Variants in RIMKLB observed in about 807,000 individuals in gnomAD.
RIMKLB encodes the protein ribosomal modification protein rimK like family member B, also known as beta-citrylglutamate synthase B.
In RIMKLB, 7 loss-of-function variants were observed where a neutral mutation model predicts 32.0. The ratio of observed to expected loss-of-function variants is 0.22; its 90% CI spans 0.12 to 0.41. The LOEUF (loss-of-function observed/expected upper bound fraction) is 0.41. RIMKLB is among the 10% of genes least tolerant of loss of function. The probability of loss-of-function intolerance (pLI) is 1.00; values close to 1 mark genes in which losing one functional copy is unlikely to be tolerated. For missense variants in RIMKLB, 289 were observed against 498.7 expected (o/e 0.58, Z 4.00); for synonymous variants, 172 against 185.1 (o/e 0.93, Z 0.57).
At chr12:8,762,373 G>A (rs1446398325) in intron 5 of RIMKLB, among the ~76,000 whole-genome samples, 2 of 152,036 alleles carry the variant, frequency 1.3e-5, no homozygotes, top group Non-Finnish European at 1.5e-5. Context: ...TGGTTTCCCG[G>A]AGGGGATTAC....
intron 2 of RIMKLB, among the ~76,000 whole-genome samples, chr12:8,730,001 A>G (rs1223423722): frequency 1.3e-5 from 2 of 152,198 alleles, no homozygotes; most frequent in African/African-American, 4.8e-5. Flanking sequence ...TGTGTATTCA[A>G]GTCCTTGGGA....
At chr12:8,780,392 G>A (rs1950962403), downstream of RIMKLB, 1 of 152,166 alleles carries the variant, frequency 6.6e-6, no homozygotes, top group Non-Finnish European at 1.5e-5. Context: ...CATGAACATG[G>A]ATCATACAGT....
intron 1 of RIMKLB, among the ~76,000 whole-genome samples, chr12:8,686,760 G>T (rs773244183): frequency 7.2e-5 from 11 of 152,284 alleles, no homozygotes; most frequent in African/African-American, 1.9e-4. Context: ...GGGATTACAG[G>T]TGTGAGCCAC....
chr12:8,679,987 G>C (rs150281064), upstream of RIMKLB, among the ~76,000 whole-genome samples: 14 of 152,262 alleles, frequency 9.2e-5, no homozygotes, highest in East Asian at 2.7e-3. Context: ...GATAAAACAG[G>C]TTGCAGTAAA....
At chr12:8,749,506 C>A (rs1948444037) in intron 2 of RIMKLB, among the ~76,000 whole-genome samples, 1 of 152,200 alleles carries the variant, frequency 6.6e-6, no homozygotes, top group Non-Finnish European at 1.5e-5. Context: ...CTGCACCCGG[C>A]CCACTTAGGT....
intron 5 of RIMKLB, among the ~76,000 whole-genome samples, chr12:8,766,124 A>G (rs1164544437): frequency 6.6e-6 from 1 of 152,058 alleles, no homozygotes; most frequent in East Asian, 1.9e-4. Context: ...TGAAAAAAAG[A>G]ACATAGGGAT....
downstream of RIMKLB, chr12:8,777,215 C>CTTTT (rs35828763): frequency 8.5e-3 from 5,981 of 700,064 alleles, 10 homozygotes; most frequent in Admixed American, 0.014. Context: ...TGCTTGCTTT[C>CTTTT]TTTTTTTTTT....
At chr12:8,709,682 C>G (rs1240816327) in intron 1 of RIMKLB, among the ~76,000 whole-genome samples, 1 of 151,178 alleles carries the variant, frequency 6.6e-6, no homozygotes, top group Non-Finnish European at 1.5e-5. Flanking sequence ...TTCACTTTCC[C>G]TGGTTTCACT....
chr12:8,689,246 G>A lies in RIMKLB; in HGVS notation n.219+7428G>A, dbSNP rs755357475. 2.6e-5 allele frequency among the ~76,000 whole-genome samples: 4 copies of A among 152,262 alleles called. No homozygotes were observed. In the East Asian group the frequency reaches 7.7e-4, roughly 29 times the overall value. On this transcript the variant is annotated intron_variant and non_coding_transcript_variant, in intron 1 of 1. Transcript: ENST00000538758. ...AATTTAACAGGGGCTACTTATACCTGGAATAAGATATTTAACTTAGTCATG... is the reference window on the plus strand; with the variant it reads ...AATTTAACAGGGGCTACTTATACCTAGAATAAGATATTTAACTTAGTCATG...
chr12:8,741,104 G>A (rs1488555284), intron 2 of RIMKLB, among the ~76,000 whole-genome samples: 1 of 152,180 alleles, frequency 6.6e-6, no homozygotes, highest in Admixed American at 6.5e-5. Context: ...TACTTGGGAG[G>A]CTGGAGCAGA....
intron 5 of RIMKLB, among the ~76,000 whole-genome samples, chr12:8,760,668 TA>T (rs199874138): frequency 0.22 from 32,712 of 151,936 alleles, 3,943 homozygotes; most frequent in Non-Finnish European, 0.27. Context: ...TTATTGTGGT[TA>T]TTGATTTGCA....
chr12:8,775,959 C>T lies in RIMKLB; in HGVS notation c.*2175C>T. ...GTACTTCTTTCGCTGAATGACCATA[C>T]TGTGGAGGATGCATACTATTTGGTA... On this transcript the variant is annotated 3_prime_UTR_variant, in exon 6 of 6. Transcript: ENST00000535829. 4 of 983,294 alleles carry T rather than the reference C, an allele frequency of 4.1e-6. No individual in the cohort carries two copies. Among genetic ancestry groups the T allele is most frequent in the Non-Finnish European group, 3.6e-6 (3 of 827,980 alleles). The allele number at this position is 983,294 out of a possible 1,614,324, so 60.9% of individuals were successfully genotyped here. A position where few individuals can be genotyped will look rare whatever the true frequency, so the allele number is the denominator to read the frequency against.
chr12:8,760,739 A>G (rs999593280), intron 5 of RIMKLB, among the ~76,000 whole-genome samples: 1 of 152,038 alleles, frequency 6.6e-6, no homozygotes, highest in African/African-American at 2.4e-5. Context: ...TGCATAAATG[A>G]CTTCTTTTGA....
chr12:8,741,815 G>A (rs893136981), intron 2 of RIMKLB, among the ~76,000 whole-genome samples: 3 of 151,794 alleles, frequency 2.0e-5, no homozygotes, highest in African/African-American at 7.3e-5. Flanking sequence ...TGGGTGACAG[G>A]ATCAGTTATA....
At chr12:8,705,463 T>C (rs751025055) in intron 1 of RIMKLB, among the ~76,000 whole-genome samples, 1 of 140,788 alleles carries the variant, frequency 7.1e-6, no homozygotes, top group African/African-American at 2.7e-5. Flanking sequence ...GGTGACAGAT[T>C]GAGACTCCAT....
intron 2 of RIMKLB, among the ~76,000 whole-genome samples, chr12:8,734,213 A>G (rs1946801633): frequency 6.6e-6 from 1 of 152,132 alleles, no homozygotes; most frequent in African/African-American, 2.4e-5. Flanking sequence ...GATATGGGAG[A>G]AGGAAGGAGA....
intron 2 of RIMKLB, among the ~76,000 whole-genome samples, chr12:8,721,800 G>T (rs1945465962): frequency 6.6e-6 from 1 of 152,088 alleles, no homozygotes; most frequent in South Asian, 2.1e-4. Flanking sequence ...CTGGAGTGCA[G>T]TGGCACGATC....
At chr12:8,683,104 T>A (rs1423866369) in intron 1 of RIMKLB, among the ~76,000 whole-genome samples, 1 of 152,214 alleles carries the variant, frequency 6.6e-6, no homozygotes, top group Non-Finnish European at 1.5e-5. Flanking sequence ...TTTCTTTTTA[T>A]TGCTGATTAA....
intron 5 of RIMKLB, among the ~76,000 whole-genome samples, chr12:8,770,209 C>G (rs575441286): frequency 5.9e-5 from 9 of 152,154 alleles, no homozygotes; most frequent in Non-Finnish European, 1.3e-4. Context: ...GTGATCTGTT[C>G]GCCTCGACCT....
Sources: gnomAD v4.1 joint callset for allele counts (sites outside exome capture counted in the v4.1 genomes callset) on GRCh38, gnomAD v4.1.1 for gene constraint, MANE v1.5 for transcripts, NCBI Gene and HGNC (gene_info 2026-07-23, HGNC 2026-07-21) for gene names.